Variants in PIAS2 observed in about 807,000 individuals in gnomAD.
PIAS2 encodes E3 SUMO-protein ligase PIAS2.
In PIAS2, 19 loss-of-function variants were observed where a neutral mutation model predicts 69.7. The ratio of observed to expected loss-of-function variants is 0.27; its 90% CI spans 0.19 to 0.40. The LOEUF is 0.40. PIAS2 is among the 10% of genes least tolerant of loss of function. PIAS2 has a pLI of 1.00. For synonymous variants in PIAS2, 261 were observed against 263.2 expected, an observed-to-expected ratio of 0.99 and a Z score of 0.08; for missense variants, 624 against 757.0, an observed-to-expected ratio of 0.82 and a Z score of 2.06.
intron 2 of PIAS2, among the ~76,000 whole-genome samples, 164 bp downstream of exon 2, chr18:46,890,416 A>G (rs963279979): frequency 6.6e-6 from 1 of 152,260 alleles, no homozygotes; most frequent in African/African-American, 2.4e-5. Flanking sequence ...TAAAGCTTCT[A>G]TTAGATTTCA....
rs751846257 is a variant in PIAS2, at chr18:46,820,938, A to C, written c.1643T>G (p.Leu548Trp). The change falls in exon 12 of 14, where the codon TTG (leucine) becomes TGG (tryptophan). Residue 548 changes from leucine to tryptophan, a missense_variant. Physicochemically the swap from Leu to Trp is moderately conservative, Grantham distance 61 (BLOSUM62 -2). Transcript: ENST00000585916. ...AACAAAAACACTCCACATACCTGGC[A>C]AATCTGATGACATGCTTGATATTGG... ...HTPISSMSSD[L>W]PGLDFLSLIP... 3 of 1,611,108 alleles carry C rather than the reference A, an allele frequency of 1.9e-6. No individual in the cohort carries two copies. The South Asian group carries it at 3.3e-5, about 18-fold the overall frequency.
intron 2 of PIAS2, among the ~76,000 whole-genome samples, chr18:46,870,835 A>G (rs1237985426): frequency 6.6e-6 from 1 of 152,110 alleles, no homozygotes; most frequent in African/African-American, 2.4e-5. Context: ...TGGCCAAAAC[A>G]TTCCTGCAGC....
chr18:46,871,065 C>T (rs1052022273), intron 2 of PIAS2, among the ~76,000 whole-genome samples: 1 of 152,076 alleles, frequency 6.6e-6, no homozygotes, highest in Admixed American at 6.6e-5. Context: ...AATATGCAGG[C>T]CTAGACTTAG....
At chr18:46,812,815 T>C (rs1339326479) in intron 13 of PIAS2, among the ~76,000 whole-genome samples, 1 of 152,188 alleles carries the variant, frequency 6.6e-6, no homozygotes, top group Non-Finnish European at 1.5e-5. Context: ...GCAGCATATA[T>C]TCTTGATTCT....
chr18:46,812,508 T>C lies in PIAS2; in HGVS notation c.1791A>G (p.Ser597=). 2 of 1,612,906 alleles carry C rather than the reference T, an allele frequency of 1.2e-6. No homozygotes were observed. The highest frequency in any genetic ancestry group is 1.7e-6 in the Non-Finnish European group (2 of 1,178,940). The change falls in exon 14 of 14, where the codon TCA becomes TCG. Residue 597 remains serine (S), a synonymous_variant. Coordinates refer to ENST00000585916, the MANE Select transcript of PIAS2 (RefSeq NM_004671.5). Reference sequence around the variant, plus strand: ...CCCCTGTCTCACTCCTGCTGCTGGATGAACTAACATGAGTACTGCTTTCAT... The same window carrying C: ...CCCCTGTCTCACTCCTGCTGCTGGACGAACTAACATGAGTACTGCTTTCAT... ...SSHESSTHVS[S]SSSRSETGVI...
At chr18:46,899,325 G>A (rs886788077) in intron 1 of PIAS2, among the ~76,000 whole-genome samples, 21 of 152,146 alleles carry the variant, frequency 1.4e-4, no homozygotes, top group African/African-American at 4.8e-4. Context: ...CAGGAGGAAA[G>A]CACTCTATGG....
chr18:46,914,685 T>C (rs111549455), intron 1 of PIAS2, among the ~76,000 whole-genome samples: 152 of 151,790 alleles, frequency 1.0e-3, no homozygotes, highest in Non-Finnish European at 1.5e-3. Flanking sequence ...CTAGCCAGGA[T>C]ATGAACTGCT....
chr18:46,818,054 A>G (rs1458804657), intron 12 of PIAS2: 1 of 994,532 alleles, frequency 1.0e-6, no homozygotes, highest in Non-Finnish European at 1.2e-6. Context: ...ACTAAAAAGC[A>G]GGTAGTGTTA....
At chr18:46,917,816 G>C (rs1378748856), upstream of PIAS2, 1 of 153,310 alleles carries the variant, frequency 6.5e-6, no homozygotes, top group East Asian at 1.9e-4. Context: ...GGAGCATTCG[G>C]GAAGATTCTT....
At chr18:46,819,212 T>C (rs1255114843) in intron 12 of PIAS2, among the ~76,000 whole-genome samples, 1 of 152,088 alleles carries the variant, frequency 6.6e-6, no homozygotes, top group Non-Finnish European at 1.5e-5. Flanking sequence ...CATACTGAGA[T>C]GACATGCAGA....
rs1256761355 is a variant in PIAS2, at chr18:46,828,018, G to T, written c.1449C>A (p.Asp483Glu). The change falls in exon 11 of 14, where the codon GAC becomes GAA. Residue 483 changes from aspartate (D) to glutamate (E), a missense_variant. By Grantham distance (45) the Asp-to-Glu change is conservative. Coordinates refer to ENST00000585916, the MANE Select transcript of PIAS2 (RefSeq NM_004671.5). ...TIESSSDEEE[D>E]PPAKRKCIFM... is the part of the protein sequence containing the mutation. ...AGATGCATTTCCTTTTGGCAGGAGG[G>T]TCTTCCTCTTCGTCAGAAGAGCTTT... is the stretch of plus-strand genomic sequence containing the variant. 6.2e-7 allele frequency: 1 copy of T among 1,613,890 alleles called. No homozygotes were observed. The highest frequency in any genetic ancestry group is 8.5e-7 in the Non-Finnish European group (1 of 1,179,876).
chr18:46,914,009 T>C (rs1168283960), intron 1 of PIAS2, among the ~76,000 whole-genome samples: 1 of 152,322 alleles, frequency 6.6e-6, no homozygotes, highest in East Asian at 1.9e-4. Context: ...TGACAGAAGT[T>C]CAGGCCATCA....
At chr18:46,846,214 T>C (rs892934754) in intron 6 of PIAS2, among the ~76,000 whole-genome samples, 4 of 152,198 alleles carry the variant, frequency 2.6e-5, no homozygotes, top group East Asian at 3.8e-4. Context: ...CTTGAAGGTA[T>C]AGAGAAAATA....
intron 3 of PIAS2, among the ~76,000 whole-genome samples, chr18:46,859,985 A>G (rs2048418352): frequency 6.6e-6 from 1 of 152,236 alleles, no homozygotes; most frequent in South Asian, 2.1e-4. Context: ...CGCTAAAGCC[A>G]AAAAGAGAAC....
chr18:46,885,272 A>C (rs2052966254), intron 2 of PIAS2, among the ~76,000 whole-genome samples: 1 of 152,158 alleles, frequency 6.6e-6, no homozygotes, highest in African/African-American at 2.4e-5. Context: ...TAATCCCAGC[A>C]GTCTGGGAGG....
At chr18:46,870,200 C>A (rs1403652286) in intron 2 of PIAS2, among the ~76,000 whole-genome samples, 1 of 152,148 alleles carries the variant, frequency 6.6e-6, no homozygotes, top group African/African-American at 2.4e-5. Flanking sequence ...AACTCCTTTT[C>A]CCCTCCACCT....
intron 2 of PIAS2, among the ~76,000 whole-genome samples, chr18:46,867,664 T>C (rs2049695503): frequency 6.6e-6 from 1 of 152,226 alleles, no homozygotes; most frequent in African/African-American, 2.4e-5. Flanking sequence ...CTTTCCTTTT[T>C]CAACAACCCT....
chr18:46,909,846 CTCT>C (rs1197449316), intron 1 of PIAS2, among the ~76,000 whole-genome samples: 2 of 152,040 alleles, frequency 1.3e-5, no homozygotes, highest in Non-Finnish European at 2.9e-5. Context: ...CAGTTTTTTT[CTCT>C]TCATTTTCAA....
At chr18:46,870,930 G>A (rs2145711856) in intron 2 of PIAS2, among the ~76,000 whole-genome samples, 1 of 152,150 alleles carries the variant, frequency 6.6e-6, no homozygotes, top group South Asian at 2.1e-4. Context: ...TCAGGGAAAT[G>A]GTAATAAAAG....
Sources: allele counts gnomAD v4.1 joint callset (sites outside exome capture counted in the v4.1 genomes callset), GRCh38; gene constraint gnomAD v4.1.1; transcripts MANE v1.5; gene names NCBI Gene and HGNC (gene_info 2026-07-23, HGNC 2026-07-21).